HDAC8: variants seen among roughly 807,000 people sequenced by gnomAD.
HDAC8 encodes histone deacetylase 8.
A neutral mutation model predicts 32.2 loss-of-function variants in HDAC8; 1 was observed. That is an observed-to-expected ratio of 0.03 (90% CI 0.01 to 0.15). The LOEUF (loss-of-function observed/expected upper bound fraction) is 0.15, where lower values mean the gene tolerates loss of function less well. Among genes scored for constraint, HDAC8 ranks in the 10% least tolerant of loss-of-function variants. The probability of loss-of-function intolerance (pLI) is 1.00; values close to 1 mark genes in which losing one functional copy is unlikely to be tolerated. For missense variants in HDAC8, 117 were observed against 300.0 expected (o/e 0.39, Z 4.51); for synonymous variants, 108 against 113.9 (o/e 0.95, Z 0.33).
At chrX:72,420,343 TTTG>T (rs1174325258) in intron 9 of HDAC8, among the ~76,000 whole-genome samples, 1 of 112,165 alleles carries the variant, frequency 8.9e-6, no homozygotes, top group Non-Finnish European at 1.9e-5. Flanking sequence ...TTTCTAGGAA[TTTG>T]TTCATTTCAC....
intron 4 of HDAC8, among the ~76,000 whole-genome samples, chrX:72,566,119 C>G (rs1382758594): frequency 9.1e-6 from 1 of 109,663 alleles, no homozygotes; most frequent in African/African-American, 3.3e-5. Flanking sequence ...TGCACTCCAG[C>G]CTTGGTGACA....
chrX:72,331,482 C>T (rs1419705453), intron 10 of HDAC8, among the ~76,000 whole-genome samples: 1 of 111,649 alleles, frequency 9.0e-6, no homozygotes, highest in African/African-American at 3.3e-5. Flanking sequence ...ATCAAACAGT[C>T]TGTAACCTTT....
chrX:72,396,480 A>G (rs1159717718), intron 9 of HDAC8, among the ~76,000 whole-genome samples: 1 of 111,483 alleles, frequency 9.0e-6, no homozygotes, highest in Non-Finnish European at 1.9e-5. Flanking sequence ...TTTTTCTTTC[A>G]AAAAAAGTTA....
chrX:72,509,047 G>GTTTA (rs1167259152), intron 4 of HDAC8, among the ~76,000 whole-genome samples: 9 of 109,651 alleles, frequency 8.2e-5, no homozygotes, highest in Admixed American at 5.8e-4. Context: ...TTCCTGCCCT[G>GTTTA]TTTATTTATT....
chrX:72,474,248 CTA>C, intron 7 of HDAC8: 2 of 736,915 alleles, frequency 2.7e-6, no homozygotes, highest in Non-Finnish European at 1.6e-6. Flanking sequence ...TTACAATTTT[CTA>C]TGTTTTATTT....
chrX:72,442,718 C>T (rs1198890142), intron 9 of HDAC8, among the ~76,000 whole-genome samples: 1 of 111,888 alleles, frequency 8.9e-6, no homozygotes, highest in East Asian at 2.8e-4. Context: ...ACTCAATGCT[C>T]CAATTAAAAG....
At chrX:72,479,405 G>A (rs1400313168) in intron 7 of HDAC8, among the ~76,000 whole-genome samples, 5 of 111,479 alleles carry the variant, frequency 4.5e-5, no homozygotes, top group African/African-American at 1.6e-4. Flanking sequence ...TCAGAGCAGA[G>A]TTATGTTAAA....
At chrX:72,418,463 C>T (rs1555972502) in intron 9 of HDAC8, among the ~76,000 whole-genome samples, 1 of 111,550 alleles carries the variant, frequency 9.0e-6, no homozygotes, top group Non-Finnish European at 1.9e-5. Flanking sequence ...TAGAGAAATG[C>T]AAATCAAAAC....
At chrX:72,366,069 TA>T (rs1454637322) in intron 9 of HDAC8, among the ~76,000 whole-genome samples, 3 of 111,981 alleles carry the variant, frequency 2.7e-5, no homozygotes, top group African/African-American at 9.7e-5. Context: ...GGAAGAACCA[TA>T]ATAGAGGTGC....
chrX:72,469,871 C>T lies in HDAC8; in HGVS notation c.738-5140G>A, dbSNP rs150651545. On this transcript the variant is annotated intron_variant, in intron 7 of 10. Transcript: ENST00000373573. ...CTTGATATAAAAAATTAAACATGGC[C>T]GGTCACGGTGGCTCATACCTGTAAT... 6.1e-3 allele frequency among the ~76,000 whole-genome samples: 674 copies of T among 110,569 alleles called. 2 individuals carry two copies. The highest frequency in any genetic ancestry group is 0.023 in the Middle Eastern group (5 of 218).
intron 4 of HDAC8, among the ~76,000 whole-genome samples, chrX:72,517,157 T>C (rs2049832993): frequency 8.9e-6 from 1 of 112,360 alleles, no homozygotes; most frequent in South Asian, 3.7e-4. Flanking sequence ...GTGGTTTTAA[T>C]TTGCATTTTT....
chrX:72,388,203 G>GGT (rs782571583), intron 9 of HDAC8, among the ~76,000 whole-genome samples: 24 of 109,257 alleles, frequency 2.2e-4, no homozygotes, highest in African/African-American at 4.6e-4. Flanking sequence ...GTTCTGGGAG[G>GGT]GTGTGTGTGT....
At chrX:72,414,882 G>A (rs2046293362) in intron 9 of HDAC8, among the ~76,000 whole-genome samples, 1 of 111,501 alleles carries the variant, frequency 9.0e-6, no homozygotes, top group Non-Finnish European at 1.9e-5. Context: ...CCTTCACTCT[G>A]ACTCCATGTT....
intron 4 of HDAC8, among the ~76,000 whole-genome samples, chrX:72,557,182 G>A (rs1368451124): frequency 9.0e-6 from 1 of 111,293 alleles, no homozygotes; most frequent in Non-Finnish European, 1.9e-5. Flanking sequence ...CAGCCTGGGC[G>A]ACAGAGGGAG....
At chrX:72,485,055 T>A (rs1347862124) in intron 7 of HDAC8, among the ~76,000 whole-genome samples, 2 of 111,381 alleles carry the variant, frequency 1.8e-5, no homozygotes, top group Admixed American at 1.9e-4. Flanking sequence ...TATATGCGTG[T>A]GTGGCCCGGG....
chrX:72,394,647 C>T (rs1555965055), intron 9 of HDAC8, among the ~76,000 whole-genome samples: 4 of 111,909 alleles, frequency 3.6e-5, no homozygotes, highest in Non-Finnish European at 7.5e-5. Flanking sequence ...CGGGGCAGTG[C>T]GTGGGTAAGC....
chrX:72,435,380 A>T (rs1362998732), intron 9 of HDAC8, among the ~76,000 whole-genome samples: 1 of 111,598 alleles, frequency 9.0e-6, no homozygotes, highest in African/African-American at 3.3e-5. Flanking sequence ...TTCCTTAATT[A>T]TACCAAGAAT....
intron 6 of HDAC8, among the ~76,000 whole-genome samples, chrX:72,489,581 C>T (rs782091750): frequency 9.1e-6 from 1 of 110,370 alleles, no homozygotes; most frequent in Non-Finnish European, 1.9e-5. Flanking sequence ...CCCTTCCTTA[C>T]ACCTTATACA....
intron 9 of HDAC8, among the ~76,000 whole-genome samples, chrX:72,425,434 A>G (rs1555975088): frequency 9.1e-6 from 1 of 110,041 alleles, no homozygotes; most frequent in African/African-American, 3.3e-5. Context: ...GTGGTTGCCT[A>G]CTCCACCATT....
Sources: gnomAD v4.1 joint callset for allele counts (sites outside exome capture counted in the v4.1 genomes callset) on GRCh38, gnomAD v4.1.1 for gene constraint, MANE v1.5 for transcripts, NCBI Gene and HGNC (gene_info 2026-07-23, HGNC 2026-07-21) for gene names.